Variants in CTNNA2 observed in about 807,000 individuals in gnomAD.
The protein encoded by CTNNA2 is catenin alpha-2.
A neutral mutation model predicts 101.0 loss-of-function variants in CTNNA2; 42 were observed. The ratio of observed to expected loss-of-function variants is 0.42; its 90% CI spans 0.32 to 0.54. CTNNA2 has a LOEUF of 0.54. Ranked by LOEUF, CTNNA2 falls within the 20% of genes least tolerant of loss-of-function variation. The pLI is 0.14. For synonymous variants in CTNNA2, 450 were observed against 456.4 expected, an observed-to-expected ratio of 0.99 and a Z score of 0.18; for missense variants, 871 against 1,223.1, an observed-to-expected ratio of 0.71 and a Z score of 4.29.
At chr2:80,100,951 A>G (rs1700506294) in intron 7 of CTNNA2, among the ~76,000 whole-genome samples, 1 of 152,282 alleles carries the variant, frequency 6.6e-6, no homozygotes, top group South Asian at 2.1e-4. Context: ...CATAGAACAT[A>G]TTTCATAAAT....
chr2:79,850,024 G>T (rs1244467753), intron 3 of CTNNA2, among the ~76,000 whole-genome samples: 1 of 152,174 alleles, frequency 6.6e-6, no homozygotes, highest in Admixed American at 6.5e-5. Flanking sequence ...GGTCAAGGAA[G>T]GAGGGAAAAC....
chr2:80,555,782 AG>A lies in CTNNA2; in HGVS notation c.1634del (p.Gly545AlafsTer37). On this transcript the variant is annotated frameshift_variant, in exon 12 of 19. Coordinates refer to ENST00000402739, the MANE Select transcript of CTNNA2 (RefSeq NM_001282597.3). LOFTEE classifies it high-confidence loss of function. ...TCTGGACCGGACTGCAGGGGCCATCAGGGGCCGGGCAGCTCGAGTCATACAC... is the reference window on the plus strand; with the variant it reads ...TCTGGACCGGACTGCAGGGGCCATCAGGGCCGGGCAGCTCGAGTCATACAC... Reference protein sequence around the residue: ...DTLDRTAGAIRGRAARVIHII... With the variant: ...DTLDRTAGAIXGRAARVIHII... 1 of 1,600,782 alleles carries A rather than the reference AG, an allele frequency of 6.2e-7. No individual in the cohort carries two copies. The highest frequency in any genetic ancestry group is 1.1e-5 in the South Asian group (1 of 87,238).
At chr2:80,108,708 C>A (rs1322891982) in intron 7 of CTNNA2, among the ~76,000 whole-genome samples, 1 of 152,166 alleles carries the variant, frequency 6.6e-6, no homozygotes, top group Non-Finnish European at 1.5e-5. Flanking sequence ...TTAGAGATGG[C>A]AAGCAGCTTT....
intron 4 of CTNNA2, among the ~76,000 whole-genome samples, chr2:79,443,211 C>T (rs145986222): frequency 1.3e-5 from 2 of 152,234 alleles, no homozygotes; most frequent in South Asian, 4.2e-4. Context: ...GATCTGCCAT[C>T]TGCAAGCTGG....
chr2:80,100,969 A>G (rs1422731662), intron 7 of CTNNA2, among the ~76,000 whole-genome samples: 2 of 152,222 alleles, frequency 1.3e-5, no homozygotes, highest in African/African-American at 2.4e-5. Context: ...AATACCTGCT[A>G]TAAAAACATC....
chr2:80,277,760 C>A (rs937042895), intron 7 of CTNNA2, among the ~76,000 whole-genome samples: 3 of 152,020 alleles, frequency 2.0e-5, no homozygotes, highest in Non-Finnish European at 2.9e-5. Context: ...CTTGAGTAGA[C>A]CTGTTCTATT....
chr2:79,739,714 C>T (rs149764700), intron 2 of CTNNA2, among the ~76,000 whole-genome samples: 228 of 152,350 alleles, frequency 1.5e-3, no homozygotes, highest in African/African-American at 5.3e-3. Context: ...GACCTAGTGT[C>T]AGTCTGGATA....
In CTNNA2 at chr2:79,468,827, C is replaced by T. The variant is rs1402996430; in HGVS notation, c.-134-36227C>T. ...GCAGAAATAAAGATGTTCTTTGAAA[C>T]CAGTGAGAACAAAGACACAACATAC... On this transcript the variant is annotated intron_variant, in intron 4 of 21. Transcript: ENST00000466387. 2.6e-5 allele frequency among the ~76,000 whole-genome samples: 4 copies of T among 152,204 alleles called. No individual in the cohort carries two copies. The East Asian group carries it at 5.8e-4, about 22-fold the overall frequency.
chr2:79,884,337 T>C (rs761228267), intron 6 of CTNNA2, among the ~76,000 whole-genome samples: 43 of 152,296 alleles, frequency 2.8e-4, no homozygotes, highest in Admixed American at 4.6e-4. Context: ...AAAATTACCA[T>C]ATTGCCATAT....
At chr2:80,194,981 A>T (rs1364754099) in intron 7 of CTNNA2, among the ~76,000 whole-genome samples, 1 of 152,108 alleles carries the variant, frequency 6.6e-6, no homozygotes, top group Non-Finnish European at 1.5e-5. Flanking sequence ...AATGGCTTTA[A>T]TGAAAAAAAT....
chr2:79,383,278 T>C (rs1678060259), intron 4 of CTNNA2, among the ~76,000 whole-genome samples: 1 of 152,144 alleles, frequency 6.6e-6, no homozygotes, highest in African/African-American at 2.4e-5. Flanking sequence ...TAGGAGTACA[T>C]GGCAAATTTC....
chr2:80,168,404 G>C (rs1482382078), intron 7 of CTNNA2, among the ~76,000 whole-genome samples: 1 of 152,118 alleles, frequency 6.6e-6, no homozygotes, highest in Non-Finnish European at 1.5e-5. Flanking sequence ...TCCCCCACCT[G>C]CCCATAGAAA....
chr2:80,074,854 C>A (rs1698573684), intron 7 of CTNNA2, among the ~76,000 whole-genome samples: 1 of 152,288 alleles, frequency 6.6e-6, no homozygotes, highest in Admixed American at 6.5e-5. Flanking sequence ...TTACAAATAT[C>A]TTAGTGACTT....
chr2:80,629,949 G>C (rs1028076266), intron 18 of CTNNA2, among the ~76,000 whole-genome samples: 2 of 152,242 alleles, frequency 1.3e-5, no homozygotes, highest in East Asian at 3.9e-4. Context: ...TGGAAGGGTG[G>C]AAGATGGCAG....
At chr2:79,610,287 G>T (rs1005838635) in intron 1 of CTNNA2, among the ~76,000 whole-genome samples, 1 of 152,030 alleles carries the variant, frequency 6.6e-6, no homozygotes, top group East Asian at 1.9e-4. Flanking sequence ...GTGGAGAATT[G>T]TTTCTCTTCT....
intron 2 of CTNNA2, among the ~76,000 whole-genome samples, chr2:79,248,601 C>A (rs1233708470): frequency 6.6e-6 from 1 of 152,096 alleles, no homozygotes; most frequent in Non-Finnish European, 1.5e-5. Flanking sequence ...GTAGTCTGTG[C>A]TTAATAAATA....
At chr2:79,285,085 T>A (rs1675526291) in intron 2 of CTNNA2, among the ~76,000 whole-genome samples, 1 of 150,228 alleles carries the variant, frequency 6.7e-6, no homozygotes, top group Admixed American at 6.7e-5. Flanking sequence ...TAGTTTGTAT[T>A]TCTGTGGGAT....
Position 80,539,209 on chromosome 2 carries a change from A to G in CTNNA2, c.1291-5773A>G, listed in dbSNP as rs116755864. ...TTGTCACTCTGCTTTTGGCTTCCTG[A>G]GGTGATTATTAAAGAGTTACAGGAT... On this transcript the variant is annotated intron_variant, in intron 9 of 18. Coordinates refer to ENST00000402739, the MANE Select transcript of CTNNA2 (RefSeq NM_001282597.3). Among the ~76,000 whole-genome samples, 822 of 152,084 alleles carry G rather than the reference A, an allele frequency of 5.4e-3. 5 individuals carry two copies. Among genetic ancestry groups the G allele is most frequent in the African/African-American group, 0.019 (778 of 41,484 alleles).
At chr2:80,108,863 T>G (rs1431314440) in intron 7 of CTNNA2, among the ~76,000 whole-genome samples, 2 of 151,970 alleles carry the variant, frequency 1.3e-5, no homozygotes, top group African/African-American at 4.8e-5. Flanking sequence ...CTTTATGAGA[T>G]GTTAACACAA....
Sources: allele counts gnomAD v4.1 joint callset (sites outside exome capture counted in the v4.1 genomes callset), GRCh38; gene constraint gnomAD v4.1.1; transcripts MANE v1.5; gene names NCBI Gene and HGNC (gene_info 2026-07-23, HGNC 2026-07-21).